The following MALRD1 variants were observed in gnomAD, a reference collection of about 807,000 sequenced individuals.
The protein encoded by MALRD1 is MAM and LDL receptor class A domain containing 1.
MALRD1 carries 247 observed loss-of-function variants against 242.1 expected under a neutral mutation model. The observed-to-expected ratio is 1.02, with a 90% CI of 0.92 to 1.13. The LOEUF is 1.13. Ranked by LOEUF, MALRD1 falls within the 50% of genes most tolerant of loss-of-function variation. MALRD1 has a pLI of 0.00. For synonymous variants in MALRD1, 995 were observed against 866.6 expected (o/e 1.15, Z -2.60); for missense variants, 2,989 against 2,533.1 (o/e 1.18, Z -3.86).
intron 35 of MALRD1, among the ~76,000 whole-genome samples, chr10:19,610,334 A>G (rs1397708349): frequency 6.6e-6 from 1 of 151,908 alleles, no homozygotes; most frequent in Non-Finnish European, 1.5e-5. Flanking sequence ...TCTATCTAAT[A>G]GTAACTTTGT....
At chr10:19,476,187 G>C (rs925944814) in intron 29 of MALRD1, among the ~76,000 whole-genome samples, 8 of 152,076 alleles carry the variant, frequency 5.3e-5, no homozygotes, top group African/African-American at 1.9e-4. Context: ...AGCAGTAGGT[G>C]TTTACGGAAA....
intron 38 of MALRD1, among the ~76,000 whole-genome samples, chr10:19,729,863 A>G (rs1396867453): frequency 6.8e-6 from 1 of 148,042 alleles, no homozygotes; most frequent in Non-Finnish European, 1.5e-5. Flanking sequence ...CAGCCTCCCA[A>G]GTAGCTGGGA....
chr10:19,077,597 G>C (rs1460985574), intron 2 of MALRD1, among the ~76,000 whole-genome samples: 1 of 151,896 alleles, frequency 6.6e-6, no homozygotes, highest in African/African-American at 2.4e-5. Flanking sequence ...AGATGATATG[G>C]ATACTTTCTA....
chr10:19,111,975 A>G (rs1020054913), intron 5 of MALRD1, among the ~76,000 whole-genome samples: 2 of 152,130 alleles, frequency 1.3e-5, no homozygotes, highest in African/African-American at 4.8e-5. Context: ...TTGTAAAATT[A>G]AGTAGCATTA....
chr10:19,249,901 A>C (rs542070630), intron 18 of MALRD1, among the ~76,000 whole-genome samples: 1 of 152,034 alleles, frequency 6.6e-6, no homozygotes, highest in South Asian at 2.1e-4. Context: ...TTAGGTCTAC[A>C]TCAGTGTTAA....
intron 8 of MALRD1, among the ~76,000 whole-genome samples, chr10:19,129,058 C>T (rs374782939): frequency 5.5e-4 from 83 of 152,202 alleles, no homozygotes; most frequent in African/African-American, 1.9e-3. Flanking sequence ...TTTTTTCCAA[C>T]ACAGCAATTC....
chr10:19,571,451 C>G (rs1589252417), intron 33 of MALRD1, among the ~76,000 whole-genome samples: 2 of 152,042 alleles, frequency 1.3e-5, no homozygotes, highest in African/African-American at 4.8e-5. Flanking sequence ...TAGTACTTAG[C>G]AAGGAAAACT....
chr10:19,187,326 T>C (rs1039173422), intron 14 of MALRD1, among the ~76,000 whole-genome samples: 5 of 151,534 alleles, frequency 3.3e-5, no homozygotes, highest in Non-Finnish European at 5.9e-5. Flanking sequence ...GAAAGGGCAA[T>C]GGGGGAAGGC....
chr10:19,202,689 G>A (rs1307969173), intron 14 of MALRD1, among the ~76,000 whole-genome samples: 1 of 152,100 alleles, frequency 6.6e-6, no homozygotes, highest in Admixed American at 6.5e-5. Context: ...AAGAATTTCA[G>A]TGTAATCATC....
chr10:19,223,759 T>G (rs1243856483), intron 18 of MALRD1, among the ~76,000 whole-genome samples: 1 of 152,176 alleles, frequency 6.6e-6, no homozygotes, highest in Non-Finnish European at 1.5e-5. Context: ...CTATGTGTTC[T>G]CATTGTTCAA....
At chr10:19,442,215 A>G (rs1240522180) in intron 28 of MALRD1, among the ~76,000 whole-genome samples, 1 of 152,222 alleles carries the variant, frequency 6.6e-6, no homozygotes, top group Non-Finnish European at 1.5e-5. Flanking sequence ...GTTGCTTATC[A>G]GCTTAAGGAG....
chr10:19,099,763 A>ATATATAT (rs1554788439), intron 4 of MALRD1, among the ~76,000 whole-genome samples: 1 of 149,238 alleles, frequency 6.7e-6, no homozygotes, highest in East Asian at 2.0e-4. Context: ...ATATATATAT[A>ATATATAT]TTTTTTTTAA....
intron 26 of MALRD1, among the ~76,000 whole-genome samples, chr10:19,380,946 A>G (rs1462372977): frequency 2.0e-5 from 3 of 151,188 alleles, no homozygotes; most frequent in African/African-American, 7.3e-5. Flanking sequence ...TTTAGGGTAC[A>G]TGTGCACAAT....
intron 32 of MALRD1, among the ~76,000 whole-genome samples, chr10:19,543,330 C>G (rs948330475): frequency 2.0e-5 from 3 of 150,968 alleles, no homozygotes; most frequent in African/African-American, 7.3e-5. Context: ...GTGGTGCAAT[C>G]ACAGCTCACT....
intron 36 of MALRD1, among the ~76,000 whole-genome samples, chr10:19,625,387 C>T (rs907068784): frequency 3.9e-5 from 6 of 151,930 alleles, no homozygotes; most frequent in Non-Finnish European, 8.8e-5. Context: ...GCCTATTTTA[C>T]GCTTCCCCAC....
intron 14 of MALRD1, among the ~76,000 whole-genome samples, chr10:19,176,794 A>G (rs1345702796): frequency 6.6e-6 from 1 of 151,108 alleles, no homozygotes; most frequent in Non-Finnish European, 1.5e-5. Context: ...GTGTGTGTGC[A>G]TGTGTGCGCG....
rs535852407 is a variant in MALRD1 at position 19,188,669 on chromosome 10, G to A, written c.1951+13341G>A. 2.6e-5 allele frequency among the ~76,000 whole-genome samples: 4 copies of A among 152,208 alleles called. No homozygotes were observed. The East Asian group carries it at 5.8e-4, about 22-fold the overall frequency. On this transcript the variant is annotated intron_variant, in intron 14 of 39. Coordinates refer to ENST00000454679, the MANE Select transcript of MALRD1 (RefSeq NM_001142308.3). ...ATATGTGCAAATCTTTATGTTCAAC[G>A]GAAGATCACTACAGCTCAGCTGTTA... is the stretch of plus-strand genomic sequence containing the variant.
chr10:19,444,091 T>C (rs1834822947), intron 28 of MALRD1, among the ~76,000 whole-genome samples: 1 of 152,212 alleles, frequency 6.6e-6, no homozygotes. Context: ...TTGATCTCTG[T>C]TGGTTTAAAT....
At chr10:19,713,971 G>A (rs1004084907) in intron 38 of MALRD1, among the ~76,000 whole-genome samples, 7 of 152,168 alleles carry the variant, frequency 4.6e-5, no homozygotes, top group Admixed American at 4.6e-4. Flanking sequence ...CCTCTAGGGG[G>A]AGCACGCAGA....
Sources: gnomAD v4.1 joint callset for allele counts (sites outside exome capture counted in the v4.1 genomes callset) on GRCh38, gnomAD v4.1.1 for gene constraint, MANE v1.5 for transcripts, NCBI Gene and HGNC (gene_info 2026-07-23, HGNC 2026-07-21) for gene names.